CAP2: variants seen among roughly 807,000 people sequenced by gnomAD.
CAP2 encodes the protein adenylyl cyclase-associated protein 2.
A neutral mutation model predicts 57.7 loss-of-function variants in CAP2; 24 were observed. That is an observed-to-expected ratio of 0.42 (90% CI 0.30 to 0.58). CAP2 has a LOEUF of 0.58. Among genes scored for constraint, CAP2 ranks in the 20% least tolerant of loss-of-function variants. The pLI, the probability that CAP2 is intolerant of heterozygous loss-of-function variation, is 0.22. For missense variants in CAP2, 501 were observed against 590.3 expected (o/e 0.85, Z 1.57); for synonymous variants, 194 against 207.2 (o/e 0.94, Z 0.55).
chr6:17,444,803 T>C (rs922284950), intron 3 of CAP2, among the ~76,000 whole-genome samples: 8 of 76,524 alleles, frequency 1.0e-4, no homozygotes, highest in Admixed American at 1.7e-4. Context: ...TTTCTCTCTC[T>C]CCACACACAC....
At chr6:17,428,443 T>C (rs1759644569) in intron 3 of CAP2, among the ~76,000 whole-genome samples, 1 of 152,182 alleles carries the variant, frequency 6.6e-6, no homozygotes. Flanking sequence ...TGTCTACCTA[T>C]AGATTTCTCA....
At chr6:17,478,964 C>A (rs1472655628) in intron 4 of CAP2, among the ~76,000 whole-genome samples, 1 of 152,172 alleles carries the variant, frequency 6.6e-6, no homozygotes, top group Admixed American at 6.5e-5. Context: ...GCTCTGACTT[C>A]TCTTCTTCCC....
chr6:17,455,488 C>T (rs1443682747), intron 3 of CAP2, among the ~76,000 whole-genome samples: 4 of 151,966 alleles, frequency 2.6e-5, no homozygotes, highest in African/African-American at 7.3e-5. Context: ...TCAAGTCACC[C>T]GCTTGGCCCT....
chr6:17,545,915 G>A (rs1045423490), intron 11 of CAP2, among the ~76,000 whole-genome samples: 9 of 152,174 alleles, frequency 5.9e-5, no homozygotes, highest in Non-Finnish European at 2.9e-5. Flanking sequence ...GTGTGTATGT[G>A]CCACATTTTC....
At chr6:17,476,222 A>G (rs1051830207) in intron 4 of CAP2, among the ~76,000 whole-genome samples, 1 of 152,222 alleles carries the variant, frequency 6.6e-6, no homozygotes, top group Non-Finnish European at 1.5e-5. Context: ...TGGTTAAAAT[A>G]CAGTGTTTAC....
intron 4 of CAP2, among the ~76,000 whole-genome samples, chr6:17,487,452 GGTTTGTTTGTTTGTTT>G (rs71819597): frequency 6.6e-6 from 1 of 151,300 alleles, no homozygotes; most frequent in Non-Finnish European, 1.5e-5. Context: ...CCACCAGGTG[GGTTTGTTTGTTTGTTT>G]GTTTGTTTGT....
At chr6:17,449,517 G>T (rs943792725) in intron 3 of CAP2, among the ~76,000 whole-genome samples, 1 of 151,416 alleles carries the variant, frequency 6.6e-6, no homozygotes, top group Non-Finnish European at 1.5e-5. Flanking sequence ...AGTGATTCTC[G>T]TGCCTCAGCC....
rs1466278785 is a variant in CAP2 at position 17,507,445 on chromosome 6, T to C, written c.444+133T>C. 2.5e-5 allele frequency: 24 copies of C among 945,174 alleles called. No individual in the cohort carries two copies. The Admixed American group carries it at 5.4e-4, about 21-fold the overall frequency. The allele number at this position is 945,174 out of a possible 1,614,324, so 58.5% of individuals were successfully genotyped here. A position where few individuals can be genotyped will look rare whatever the true frequency, so the allele number is the denominator to read the frequency against. On this transcript the variant is annotated intron_variant, in intron 5 of 12. Coordinates refer to ENST00000229922, the MANE Select transcript of CAP2 (RefSeq NM_006366.3). ...TCCTGGGCTGAATGCATCCACTTTC[T>C]CCTACCCTGTTTAAAGTTCAAGCTT...
intron 4 of CAP2, among the ~76,000 whole-genome samples, chr6:17,499,550 A>G (rs1761750722): frequency 6.6e-6 from 1 of 151,736 alleles, no homozygotes; most frequent in Non-Finnish European, 1.5e-5. Context: ...TGATTTTTAG[A>G]TAATATAAGC....
intron 7 of CAP2, among the ~76,000 whole-genome samples, chr6:17,529,651 A>AAAAAAAATATATATATATATAT (rs10656588): frequency 1.5e-5 from 2 of 134,536 alleles, no homozygotes; most frequent in African/African-American, 5.9e-5. Flanking sequence ...AAAAAAAAAA[A>AAAAAAAATATATATATATATAT]ATATATATAT....
At chr6:17,501,238 T>A (rs865932113) in intron 4 of CAP2, among the ~76,000 whole-genome samples, 6 of 152,178 alleles carry the variant, frequency 3.9e-5, no homozygotes, top group African/African-American at 1.4e-4. Flanking sequence ...AAAAAGTAAT[T>A]ATTATTATTT....
chr6:17,472,794 C>T (rs1761055195), intron 4 of CAP2, among the ~76,000 whole-genome samples: 1 of 152,174 alleles, frequency 6.6e-6, no homozygotes, highest in African/African-American at 2.4e-5. Context: ...CCAGTCAGGG[C>T]TGAATCCCAA....
intron 3 of CAP2, among the ~76,000 whole-genome samples, chr6:17,431,260 T>C (rs1759722408): frequency 6.6e-6 from 1 of 152,072 alleles, no homozygotes; most frequent in African/African-American, 2.4e-5. Context: ...ACACAAAATT[T>C]ACCTACATAA....
At chr6:17,528,811 T>C (rs2064089369) in intron 7 of CAP2, among the ~76,000 whole-genome samples, 1 of 152,166 alleles carries the variant, frequency 6.6e-6, no homozygotes, top group Non-Finnish European at 1.5e-5. Context: ...AAATTATTAA[T>C]AAACATATAT....
intron 4 of CAP2, among the ~76,000 whole-genome samples, chr6:17,504,179 C>A (rs1259516932): frequency 6.6e-6 from 1 of 152,176 alleles, no homozygotes; most frequent in Non-Finnish European, 1.5e-5. Context: ...CTGGCAGATA[C>A]CTTGGAGAAA....
rs750613178 is a variant in CAP2 at position 17,421,650 on chromosome 6, G to A, written c.95G>A (p.Cys32Tyr). 6.2e-7 allele frequency: 1 copy of A among 1,614,186 alleles called. No homozygotes were observed. Among genetic ancestry groups the A allele is most frequent in the South Asian group, 1.1e-5 (1 of 91,082 alleles). ...SAESHRPPGN[C>Y]GEVNGVIAGV... ...GAGTCCCACAGGCCCCCTGGGAACT[G>A]CGGGGAAGTCAATGGTGTCATTGCA... Residue 32 changes from cysteine to tyrosine, a missense_variant, in exon 2 of 13, where the codon TGC becomes TAC. Physicochemically the swap from Cys to Tyr is radical, Grantham distance 194. Coordinates refer to ENST00000229922, the MANE Select transcript of CAP2 (RefSeq NM_006366.3).
chr6:17,402,594 A>T (rs908538459), intron 1 of CAP2, among the ~76,000 whole-genome samples: 1 of 152,246 alleles, frequency 6.6e-6, no homozygotes, highest in Non-Finnish European at 1.5e-5. Flanking sequence ...AAACTTATTT[A>T]AAAAATGAGA....
chr6:17,406,948 G>A (rs61017735), intron 1 of CAP2, among the ~76,000 whole-genome samples: 1 of 151,878 alleles, frequency 6.6e-6, no homozygotes, highest in Non-Finnish European at 1.5e-5. Flanking sequence ...AAAAAAATGA[G>A]AAAAAAACCA....
intron 1 of CAP2, among the ~76,000 whole-genome samples, chr6:17,410,811 G>A (rs963687597): frequency 3.3e-5 from 5 of 151,952 alleles, no homozygotes; most frequent in East Asian, 1.9e-4. Flanking sequence ...TGCCCGCTTC[G>A]GCCTCCCAAA....
Sources: gnomAD v4.1 joint callset for allele counts (sites outside exome capture counted in the v4.1 genomes callset) on GRCh38, gnomAD v4.1.1 for gene constraint, MANE v1.5 for transcripts, NCBI Gene and HGNC (gene_info 2026-07-23, HGNC 2026-07-21) for gene names.